DPP10: variants seen among roughly 807,000 people sequenced by gnomAD.
The protein encoded by DPP10 is dipeptidyl peptidase like 10, also known as inactive dipeptidyl peptidase 10.
In DPP10, 33 loss-of-function variants were observed where a neutral mutation model predicts 120.9. The ratio of observed to expected loss-of-function variants is 0.27; its 90% CI spans 0.21 to 0.37. The LOEUF (loss-of-function observed/expected upper bound fraction) is 0.37. Ranked by LOEUF, DPP10 falls within the 10% of genes least tolerant of loss-of-function variation. The probability of loss-of-function intolerance (pLI) is 1.00; values close to 1 mark genes in which losing one functional copy is unlikely to be tolerated. For missense variants in DPP10, 816 were observed against 942.8 expected, an observed-to-expected ratio of 0.87 and a Z score of 1.76; for synonymous variants, 337 against 326.1, an observed-to-expected ratio of 1.03 and a Z score of -0.36.
At chr2:115,536,246 A>G (rs1251188772) in intron 5 of DPP10, among the ~76,000 whole-genome samples, 3 of 151,934 alleles carry the variant, frequency 2.0e-5, no homozygotes, top group Non-Finnish European at 4.4e-5. Flanking sequence ...TTTTCCACTT[A>G]TAGACAAAAT....
At chr2:115,049,273 C>A (rs1199916631) in intron 1 of DPP10, among the ~76,000 whole-genome samples, 2 of 151,886 alleles carry the variant, frequency 1.3e-5, no homozygotes, top group Non-Finnish European at 2.9e-5. Flanking sequence ...CATTATTGAG[C>A]ACTTAATGTA....
chr2:115,804,676 C>T (rs185661984), intron 19 of DPP10, among the ~76,000 whole-genome samples: 8 of 152,254 alleles, frequency 5.3e-5, no homozygotes, highest in Non-Finnish European at 7.4e-5. Context: ...GCAGGTCTGT[C>T]GGAGTTTACT....
intron 2 of DPP10, among the ~76,000 whole-genome samples, chr2:115,310,943 T>A (rs1214378436): frequency 3.3e-5 from 5 of 152,224 alleles, no homozygotes; most frequent in Non-Finnish European, 7.3e-5. Flanking sequence ...TCAGGTTTTC[T>A]TGTTACTCAT....
intron 1 of DPP10, among the ~76,000 whole-genome samples, chr2:114,982,116 G>A (rs1012056883): frequency 7.3e-5 from 11 of 151,632 alleles, no homozygotes; most frequent in Non-Finnish European, 1.5e-4. Flanking sequence ...GGCTGGTCTC[G>A]AACTCCTGAC....
chr2:114,864,134 A>T (rs942922841), intron 1 of DPP10, among the ~76,000 whole-genome samples: 11 of 152,226 alleles, frequency 7.2e-5, no homozygotes, highest in Admixed American at 7.2e-4. Flanking sequence ...TCGAATACAG[A>T]TTTTATTAAG....
intron 1 of DPP10, among the ~76,000 whole-genome samples, chr2:114,632,894 A>G (rs992049092): frequency 2.0e-5 from 3 of 152,098 alleles, no homozygotes; most frequent in African/African-American, 7.2e-5. Context: ...CAAATTTGAC[A>G]AGGAATGTTC....
rs1055752612 is a variant in DPP10, at chr2:115,175,887, T to C, written c.61-133352T>C. 2.6e-5 allele frequency among the ~76,000 whole-genome samples: 4 copies of C among 152,364 alleles called. No individual in the cohort carries two copies. In the Middle Eastern group the frequency reaches 0.01, roughly 389 times the overall value. ...TTAGAGAATCAGTTTTAGAACACTATCCAAACTTTAATGTGGGTATGAATC... is the reference window on the plus strand; with the variant it reads ...TTAGAGAATCAGTTTTAGAACACTACCCAAACTTTAATGTGGGTATGAATC... On this transcript the variant is annotated intron_variant, in intron 1 of 25. Transcript: ENST00000410059.
chr2:115,493,688 C>G (rs1289131636), intron 3 of DPP10, among the ~76,000 whole-genome samples: 1 of 152,078 alleles, frequency 6.6e-6, no homozygotes, highest in Non-Finnish European at 1.5e-5. Flanking sequence ...TTGTTACACA[C>G]TATGAAGTTG....
At chr2:115,827,228 T>G (rs1386021357) in intron 21 of DPP10, among the ~76,000 whole-genome samples, 1 of 151,238 alleles carries the variant, frequency 6.6e-6, no homozygotes, top group Middle Eastern at 3.2e-3. Flanking sequence ...ATTATTTTAC[T>G]TCACTCTTCA....
At chr2:115,009,363 G>T (rs918304789) in intron 1 of DPP10, among the ~76,000 whole-genome samples, 6 of 151,548 alleles carry the variant, frequency 4.0e-5, no homozygotes, top group African/African-American at 1.5e-4. Context: ...CTCACTCATG[G>T]GTGGGAATTG....
intron 5 of DPP10, among the ~76,000 whole-genome samples, chr2:115,556,364 GTTTTTTT>G (rs34615187): frequency 7.8e-6 from 1 of 128,688 alleles, no homozygotes; most frequent in African/African-American, 2.9e-5. Context: ...TTTTTGGCAG[GTTTTTTT>G]TTTTTTTTTT....
At chr2:115,066,570 G>T (rs1314867766) in intron 1 of DPP10, 2 of 152,002 alleles carry the variant, frequency 1.3e-5, no homozygotes. Context: ...TAAAGCAATG[G>T]TAACAACAAA....
At chr2:115,592,455 C>T (rs759855506) in intron 5 of DPP10, among the ~76,000 whole-genome samples, 3 of 152,072 alleles carry the variant, frequency 2.0e-5, no homozygotes, top group Admixed American at 6.5e-5. Context: ...GTAAGCTGAG[C>T]GTGGTGGCTC....
At position 115,831,960 on chromosome 2, in the gene DPP10, A is replaced by C. The variant is rs118036147; in HGVS notation, c.1951-4197A>C. 3.9e-4 allele frequency among the ~76,000 whole-genome samples: 59 copies of C among 152,316 alleles called. No homozygotes were observed. The East Asian group carries it at 9.5e-3, about 24-fold the overall frequency. ...CTGATGATGGAAGTTTTTGATCTTTATTAAATCAAAAGTAGCCTCTAATTT... is the reference window on the plus strand; with the variant it reads ...CTGATGATGGAAGTTTTTGATCTTTCTTAAATCAAAAGTAGCCTCTAATTT... On this transcript the variant is annotated intron_variant, in intron 21 of 25. Transcript: ENST00000410059.
intron 1 of DPP10, among the ~76,000 whole-genome samples, chr2:115,231,628 T>C (rs1368977623): frequency 6.6e-6 from 1 of 152,214 alleles, no homozygotes; most frequent in East Asian, 1.9e-4. Flanking sequence ...TAATTTCGCC[T>C]ATAACATCAC....
rs370121411 is a variant in DPP10 at position 115,708,922 on chromosome 2, G to T, written c.577-18894G>T. Among the ~76,000 whole-genome samples, 37 of 152,144 alleles carry T rather than the reference G, an allele frequency of 2.4e-4. No homozygotes were observed. In the East Asian group the frequency reaches 6.8e-3, roughly 28 times the overall value. Reference sequence around the variant, plus strand: ...CACTTCAGAGCAATCACAATGAAAAGAACTTTGACTAAAATTGAATAAATG... The same window carrying T: ...CACTTCAGAGCAATCACAATGAAAATAACTTTGACTAAAATTGAATAAATG... On this transcript the variant is annotated intron_variant, in intron 7 of 25. Transcript: ENST00000410059.
chr2:115,084,440 C>T (rs1708527906), intron 1 of DPP10, among the ~76,000 whole-genome samples: 1 of 152,164 alleles, frequency 6.6e-6, no homozygotes, highest in South Asian at 2.1e-4. Flanking sequence ...TCCAAGGTGT[C>T]CTACTTTTGT....
intron 3 of DPP10, among the ~76,000 whole-genome samples, chr2:115,438,711 G>A (rs2071736015): frequency 6.6e-6 from 1 of 152,260 alleles, no homozygotes; most frequent in Admixed American, 6.5e-5. Flanking sequence ...GAAGCACAAT[G>A]TAGAATAGTG....
chr2:115,338,876 C>G (rs191066215), intron 2 of DPP10, among the ~76,000 whole-genome samples: 2 of 152,220 alleles, frequency 1.3e-5, no homozygotes, highest in African/African-American at 2.4e-5. Context: ...GAGAAAGTTT[C>G]AAGACCAAGA....
Sources: allele counts gnomAD v4.1 joint callset (sites outside exome capture counted in the v4.1 genomes callset), GRCh38; gene constraint gnomAD v4.1.1; transcripts MANE v1.5; gene names NCBI Gene and HGNC (gene_info 2026-07-23, HGNC 2026-07-21).